LTBP1: variants seen among roughly 807,000 people sequenced by gnomAD.
LTBP1 encodes the protein latent-transforming growth factor beta-binding protein 1.
In LTBP1, 129 loss-of-function variants were observed where a neutral mutation model predicts 207.6. The observed-to-expected ratio is 0.62, with a 90% CI of 0.54 to 0.72. The LOEUF is 0.72. Ranked by LOEUF, LTBP1 falls within the 30% of genes least tolerant of loss-of-function variation. The probability of loss-of-function intolerance (pLI) is 0.00; values close to 1 mark genes in which losing one functional copy is unlikely to be tolerated. For synonymous variants in LTBP1, 963 were observed against 833.7 expected, an observed-to-expected ratio of 1.16 and a Z score of -2.67; for missense variants, 2,281 against 2,217.2, an observed-to-expected ratio of 1.03 and a Z score of -0.58.
At chr2:33,027,837 GA>G (rs1353055516) in intron 3 of LTBP1, among the ~76,000 whole-genome samples, 3 of 152,000 alleles carry the variant, frequency 2.0e-5, no homozygotes, top group Non-Finnish European at 2.9e-5. Flanking sequence ...CTCCATCTCA[GA>G]AAAAAGAAAA....
chr2:33,249,992 A>G (rs967214489), intron 10 of LTBP1, among the ~76,000 whole-genome samples: 1 of 152,236 alleles, frequency 6.6e-6, no homozygotes, highest in Non-Finnish European at 1.5e-5. Flanking sequence ...TAAACGTAGT[A>G]CACTAATGTG....
In LTBP1 at chr2:33,217,545, A is replaced by G. The variant is rs1273269954; in HGVS notation, c.1702-7A>G. The stretch of plus-strand genomic sequence containing the variant: ...TAACCTTCATATTTCACACCTAATC[A>G]TTGCAGTGTGGCAAAGCGCTCCCTG... On this transcript the variant is annotated splice_polypyrimidine_tract_variant and splice_region_variant and intron_variant, in intron 7 of 33. Coordinates refer to ENST00000404816, the MANE Select transcript of LTBP1 (RefSeq NM_206943.4). 1.2e-6 allele frequency: 2 copies of G among 1,604,952 alleles called. No homozygotes were observed. The highest frequency in any genetic ancestry group is 2.2e-5 in the South Asian group (2 of 90,866).
intron 22 of LTBP1, among the ~76,000 whole-genome samples, chr2:33,305,326 A>AAT (rs34794270): frequency 0.073 from 11,151 of 151,902 alleles, 602 homozygotes; most frequent in African/African-American, 0.15. Flanking sequence ...TATGTCTCAA[A>AAT]ATATATATAT....
intron 31 of LTBP1, among the ~76,000 whole-genome samples, chr2:33,371,886 T>A (rs528879133): frequency 7.9e-5 from 12 of 152,274 alleles, no homozygotes; most frequent in Middle Eastern, 6.8e-3. Context: ...CAGTTCTGAG[T>A]AGTGTGATGA....
chr2:33,177,030 G>A (rs1247201002), intron 5 of LTBP1, among the ~76,000 whole-genome samples: 1 of 152,092 alleles, frequency 6.6e-6, no homozygotes, highest in African/African-American at 2.4e-5. Context: ...CATTTTACAG[G>A]TGAAGAAGTG....
intron 2 of LTBP1, among the ~76,000 whole-genome samples, chr2:32,963,435 T>C (rs902138579): frequency 1.3e-5 from 2 of 151,910 alleles, no homozygotes; most frequent in Non-Finnish European, 2.9e-5. Context: ...GGTCTTGAAC[T>C]CCTGGCTTCA....
chr2:33,391,282 T>C (rs1372269563), intron 32 of LTBP1, among the ~76,000 whole-genome samples: 1 of 121,256 alleles, frequency 8.2e-6, no homozygotes, highest in African/African-American at 3.1e-5. Flanking sequence ...CTATCCTGAC[T>C]CCTAACACCA....
intron 3 of LTBP1, among the ~76,000 whole-genome samples, chr2:33,065,769 A>C (rs963704109): frequency 6.6e-6 from 1 of 152,202 alleles, no homozygotes; most frequent in Non-Finnish European, 1.5e-5. Context: ...AGTTTTTATA[A>C]GATGGGTTTT....
chr2:33,126,453 C>G (rs1408177294), intron 4 of LTBP1, among the ~76,000 whole-genome samples: 6 of 152,070 alleles, frequency 3.9e-5, no homozygotes, highest in African/African-American at 1.5e-4. Context: ...ATAGAAGTAT[C>G]AGGGAATTTG....
intron 7 of LTBP1, among the ~76,000 whole-genome samples, chr2:33,212,808 G>T (rs576129373): frequency 1.3e-5 from 2 of 152,136 alleles, no homozygotes; most frequent in Non-Finnish European, 2.9e-5. Flanking sequence ...AACACTCCAA[G>T]GAAATGCTCG....
At chr2:33,372,825 C>T (rs551811899) in intron 31 of LTBP1, among the ~76,000 whole-genome samples, 1 of 152,316 alleles carries the variant, frequency 6.6e-6, no homozygotes, top group East Asian at 1.9e-4. Context: ...GATCGTGCCA[C>T]TGCACTCTAG....
intron 7 of LTBP1, among the ~76,000 whole-genome samples, chr2:33,194,382 G>A (rs994818144): frequency 1.3e-5 from 2 of 152,176 alleles, no homozygotes; most frequent in African/African-American, 4.8e-5. Flanking sequence ...CTTTGCATCA[G>A]TTAGCCAAGT....
intron 2 of LTBP1, among the ~76,000 whole-genome samples, chr2:32,966,078 A>G (rs1558448249): frequency 1.3e-5 from 2 of 152,158 alleles, no homozygotes; most frequent in African/African-American, 2.4e-5. Context: ...GTTCCCTAAT[A>G]AATAACATAT....
intron 2 of LTBP1, among the ~76,000 whole-genome samples, chr2:32,997,984 T>A (rs1685538598): frequency 6.6e-6 from 1 of 152,172 alleles, no homozygotes; most frequent in African/African-American, 2.4e-5. Context: ...GTTTATGATG[T>A]TCAGACTGTT....
chr2:32,952,402 A>G (rs975179009), intron 2 of LTBP1, among the ~76,000 whole-genome samples: 14 of 152,146 alleles, frequency 9.2e-5, no homozygotes, highest in Admixed American at 5.9e-4. Flanking sequence ...TCCAGACACC[A>G]TTTGTATGTG....
intron 7 of LTBP1, among the ~76,000 whole-genome samples, chr2:33,203,723 T>C (rs1573159210): frequency 6.6e-6 from 1 of 152,192 alleles, no homozygotes; most frequent in Non-Finnish European, 1.5e-5. Context: ...TAAAATAATA[T>C]ACCTATTAAT....
chr2:33,175,805 C>T (rs562300456), intron 5 of LTBP1, among the ~76,000 whole-genome samples: 118 of 138,158 alleles, frequency 8.5e-4, no homozygotes, highest in African/African-American at 2.8e-3. Context: ...ACATGTACAC[C>T]GTGGAATACT....
chr2:32,951,944 T>C (rs1361198221), intron 2 of LTBP1, among the ~76,000 whole-genome samples: 1 of 152,210 alleles, frequency 6.6e-6, no homozygotes, highest in East Asian at 1.9e-4. Flanking sequence ...AGTTCCCCCT[T>C]ATAATAGTCA....
chr2:33,047,245 G>T (rs950948216), intron 3 of LTBP1, among the ~76,000 whole-genome samples: 11 of 152,116 alleles, frequency 7.2e-5, no homozygotes, highest in Non-Finnish European at 1.3e-4. Flanking sequence ...TCTCTTGTGG[G>T]CATTTAGTGC....
Sources: gnomAD v4.1 joint callset for allele counts (sites outside exome capture counted in the v4.1 genomes callset) on GRCh38, gnomAD v4.1.1 for gene constraint, MANE v1.5 for transcripts, NCBI Gene and HGNC (gene_info 2026-07-23, HGNC 2026-07-21) for gene names.